Variants in CAMK2D observed in about 807,000 individuals in gnomAD.
The protein encoded by CAMK2D is calcium/calmodulin-dependent protein kinase type II subunit delta.
CAMK2D carries 37 observed loss-of-function variants against 84.0 expected under a neutral mutation model. The ratio of observed to expected loss-of-function variants is 0.44; its 90% confidence interval spans 0.34 to 0.58. The LOEUF is 0.58. Among genes scored for constraint, CAMK2D ranks in the 20% least tolerant of loss-of-function variants. The pLI is 0.02. For synonymous variants in CAMK2D, 202 were observed against 212.5 expected (o/e 0.95, Z 0.43); for missense variants, 448 against 652.5 (o/e 0.69, Z 3.41).
Position 113,457,354 on chromosome 4 carries a change from AC to A in CAMK2D, c.1515del (p.Ser506HisfsTer31). 1.2e-6 allele frequency: 2 copies of A among 1,613,564 alleles called. No homozygotes were observed. The highest frequency in any genetic ancestry group is 1.7e-6 in the Non-Finnish European group (2 of 1,179,680). On this transcript the variant is annotated frameshift_variant, in exon 19 of 21. Coordinates refer to ENST00000511664, the MANE Select transcript of CAMK2D (RefSeq NM_001321571.2). LOFTEE classifies it high-confidence loss of function. ...KWQNVHFHRS[G>X]SPTVPIKPPC... ...ATTTACTTGATGGGTACTGTTGGTG[AC>A]CCCGAGCGATGAAAATGAACATTCT...
chr4:113,573,222 C>A (rs2098763087), intron 4 of CAMK2D, among the ~76,000 whole-genome samples: 1 of 152,182 alleles, frequency 6.6e-6, no homozygotes, highest in Non-Finnish European at 1.5e-5. Flanking sequence ...CTCCAAACAA[C>A]AAAACATGTG....
chr4:113,701,921 G>A (rs2154348677), intron 2 of CAMK2D, among the ~76,000 whole-genome samples: 1 of 152,204 alleles, frequency 6.6e-6, no homozygotes, highest in African/African-American at 2.4e-5. Flanking sequence ...GGCTAGACTG[G>A]AACTCCTGGG....
Position 113,745,734 on chromosome 4 carries a change from A to G in CAMK2D, c.160+13586T>C, listed in dbSNP as rs562330679. ...TTCTTGGAGATAAAGCAGGATATAAAATGTTTTAAAGATAGAACATTTTTA... is the reference window on the plus strand; with the variant it reads ...TTCTTGGAGATAAAGCAGGATATAAGATGTTTTAAAGATAGAACATTTTTA... On this transcript the variant is annotated intron_variant, in intron 2 of 20. Coordinates refer to ENST00000511664, the MANE Select transcript of CAMK2D (RefSeq NM_001321571.2). Among the ~76,000 whole-genome samples, 6 of 152,350 alleles carry G rather than the reference A, an allele frequency of 3.9e-5. No homozygotes were observed. The South Asian group carries it at 1.2e-3, about 32-fold the overall frequency.
At chr4:113,611,636 A>AAC (rs1336741200) in intron 3 of CAMK2D, among the ~76,000 whole-genome samples, 3 of 152,204 alleles carry the variant, frequency 2.0e-5, no homozygotes, top group Non-Finnish European at 4.4e-5. Context: ...TCCTGGGAAT[A>AAC]ACATTTTCTT....
At chr4:113,539,129 T>G (rs2098512945) in intron 6 of CAMK2D, among the ~76,000 whole-genome samples, 1 of 152,240 alleles carries the variant, frequency 6.6e-6, no homozygotes, top group Admixed American at 6.5e-5. Flanking sequence ...TTTGACATTT[T>G]ATTTTTGCAA....
At chr4:113,630,566 A>G (rs1343254478) in intron 3 of CAMK2D, among the ~76,000 whole-genome samples, 1 of 152,170 alleles carries the variant, frequency 6.6e-6, no homozygotes, top group Non-Finnish European at 1.5e-5. Flanking sequence ...TGATGGAAAA[A>G]CAGCTGCCGC....
chr4:113,453,977 C>T lies in CAMK2D; in HGVS notation c.*568G>A, dbSNP rs9929. The T allele has an allele frequency of 0.042, 6,344 of 152,298 alleles. 182 individuals carry two copies. The highest frequency in any genetic ancestry group is 0.074 in the South Asian group (355 of 4,810). The allele number at this position is 152,298 out of a possible 1,614,324, so 9.4% of individuals were successfully genotyped here. A position where few individuals can be genotyped will look rare whatever the true frequency, so the allele number is the denominator to read the frequency against. On this transcript the variant is annotated 3_prime_UTR_variant, in exon 21 of 21. Coordinates refer to ENST00000511664, the MANE Select transcript of CAMK2D (RefSeq NM_001321571.2). ...GCTTCTACTTTCATAAGTGATTTTG[C>T]CCACATATCATCCCACTTTAATTGT...
intron 16 of CAMK2D, among the ~76,000 whole-genome samples, chr4:113,493,964 T>C (rs952548007): frequency 5.3e-5 from 8 of 152,354 alleles, no homozygotes; most frequent in Non-Finnish European, 1.2e-4. Context: ...ATTCTTCACG[T>C]AGTTCTTGAG....
intron 3 of CAMK2D, among the ~76,000 whole-genome samples, chr4:113,613,671 T>C (rs1278884692): frequency 1.3e-5 from 2 of 152,146 alleles, no homozygotes; most frequent in Admixed American, 6.6e-5. Context: ...ATTTTTCCAC[T>C]TCAAATTAAG....
At chr4:113,607,066 C>G (rs1172202538) in intron 4 of CAMK2D, among the ~76,000 whole-genome samples, 1 of 151,590 alleles carries the variant, frequency 6.6e-6, no homozygotes, top group East Asian at 1.9e-4. Flanking sequence ...GAAATCGAGA[C>G]AAGCTCAGAA....
chr4:113,747,326 A>C (rs2099606868), intron 2 of CAMK2D, among the ~76,000 whole-genome samples: 1 of 140,384 alleles, frequency 7.1e-6, no homozygotes, highest in African/African-American at 2.9e-5. Flanking sequence ...TTTTAAATTC[A>C]ATAGGAAAAG....
rs1261055964 is a variant in CAMK2D, at chr4:113,531,295, A to G, written c.522T>C (p.Phe174=). Residue 174 remains phenylalanine, a synonymous_variant, in exon 8 of 21, where the codon TTT becomes TTC. Transcript: ENST00000511664. ...GAGAAAGATATCCAGGTGTGCCAGC[A>G]AAACCTAGGGAAAAGAGATGTTAAT... The part of the protein sequence containing the change: ...VQGDQQAWFG[F]AGTPGYLSPE... 4 of 1,570,384 alleles carry G rather than the reference A, an allele frequency of 2.5e-6. No individual in the cohort carries two copies. The highest frequency in any genetic ancestry group is 3.5e-6 in the Non-Finnish European group (4 of 1,140,398).
At chr4:113,715,553 T>C (rs1219815601) in intron 2 of CAMK2D, among the ~76,000 whole-genome samples, 3 of 152,170 alleles carry the variant, frequency 2.0e-5, no homozygotes, top group African/African-American at 7.2e-5. Context: ...GTTAGGTTTT[T>C]AGATAACATT....
At chr4:113,558,228 T>G (rs1019056310) in intron 4 of CAMK2D, among the ~76,000 whole-genome samples, 1 of 152,270 alleles carries the variant, frequency 6.6e-6, no homozygotes, top group Non-Finnish European at 1.5e-5. Context: ...TTTAACTTTC[T>G]GCTTCATCTA....
Position 113,547,707 on chromosome 4 carries a change from A to C in CAMK2D, c.351T>G (p.Ile117Met). 6.4e-7 allele frequency: 1 copy of C among 1,555,272 alleles called. No individual in the cohort carries two copies. Among genetic ancestry groups the C allele is most frequent in the South Asian group, 1.2e-5 (1 of 84,942 alleles). Residue 117 changes from isoleucine (I) to methionine (M), a missense_variant, in exon 6 of 21, where the codon ATT becomes ATG. Ile to Met is a conservative substitution (Grantham distance 10). Transcript: ENST00000511664. ...GTAGCACAGCCTCCAGGATCTGCTG[A>C]ATGCAATGACTGCATGCAAACACCA... Reference protein sequence around the residue: ...YYSEADASHCIQQILEAVLHC... With the variant: ...YYSEADASHCMQQILEAVLHC...
At chr4:113,708,639 T>A (rs977676352) in intron 2 of CAMK2D, among the ~76,000 whole-genome samples, 68 of 152,198 alleles carry the variant, frequency 4.5e-4, no homozygotes, top group African/African-American at 1.5e-3. Flanking sequence ...AAGCTAAATA[T>A]TCCTGACAGT....
At chr4:113,465,361 T>C (rs925132735) in intron 17 of CAMK2D, among the ~76,000 whole-genome samples, 168 bp downstream of exon 17, 2 of 151,906 alleles carry the variant, frequency 1.3e-5, no homozygotes, top group African/African-American at 4.8e-5. Flanking sequence ...AAATTTTCTC[T>C]GAAATTTTTC....
chr4:113,636,876 C>G (rs2099111861), intron 3 of CAMK2D, among the ~76,000 whole-genome samples: 1 of 152,090 alleles, frequency 6.6e-6, no homozygotes. Flanking sequence ...CATAACAATC[C>G]CACTCAGATG....
intron 16 of CAMK2D, among the ~76,000 whole-genome samples, chr4:113,494,683 C>T (rs534877730): frequency 4.9e-4 from 75 of 152,296 alleles, no homozygotes; most frequent in African/African-American, 1.5e-3. Context: ...TCGAGCTTCC[C>T]GGCTGCTTTG....
Sources: allele counts gnomAD v4.1 joint callset (sites outside exome capture counted in the v4.1 genomes callset), GRCh38; gene constraint gnomAD v4.1.1; transcripts MANE v1.5; gene names NCBI Gene and HGNC (gene_info 2026-07-23, HGNC 2026-07-21).